Variants in SPTA1 observed in about 807,000 individuals in gnomAD.
The protein encoded by SPTA1 is spectrin alpha, erythrocytic 1, also known as spectrin alpha chain, erythrocytic 1.
In SPTA1, 177 loss-of-function variants were observed where a neutral mutation model predicts 324.7. That is an observed-to-expected ratio of 0.55 (90% confidence interval 0.48 to 0.62). The LOEUF (loss-of-function observed/expected upper bound fraction) is 0.62. Ranked by LOEUF, SPTA1 falls within the 20% of genes least tolerant of loss-of-function variation. The pLI is 0.00. For missense variants in SPTA1, 3,162 were observed against 2,883.6 expected, an observed-to-expected ratio of 1.10 and a Z score of -2.21; for synonymous variants, 1,195 against 1,041.3, an observed-to-expected ratio of 1.15 and a Z score of -2.84.
intron 33 of SPTA1, among the ~76,000 whole-genome samples, chr1:158,641,295 C>T (rs1651551346): frequency 6.6e-6 from 1 of 151,990 alleles, no homozygotes; most frequent in Admixed American, 6.5e-5. Context: ...CAACAAAAGC[C>T]AAAATTGACA....
At chr1:158,645,765 A>T (rs953322973) in intron 27 of SPTA1, among the ~76,000 whole-genome samples, 171 bp from the exon 28 acceptor site, 1 of 152,202 alleles carries the variant, frequency 6.6e-6, no homozygotes, top group Non-Finnish European at 1.5e-5. Context: ...TCACCTAATG[A>T]TAACAATCCC....
intron 5 of SPTA1, among the ~76,000 whole-genome samples, chr1:158,679,875 A>C (rs703125): frequency 2.0e-5 from 3 of 151,936 alleles, no homozygotes; most frequent in Non-Finnish European, 4.4e-5. Flanking sequence ...ATAGGAAAAC[A>C]TAGGTTATTT....
At position 158,642,267 on chromosome 1, in the gene SPTA1, A is replaced by G. The variant is rs1420158709; in HGVS notation, c.4737+144T>C. On this transcript the variant is annotated intron_variant, in intron 33 of 51. Coordinates refer to ENST00000643759, the MANE Select transcript of SPTA1 (RefSeq NM_003126.4). ...TGGCACATGTATACATATGTAACAA[A>G]CCTGCACATTGTGCACATGTACCCT... The G allele has an allele frequency of 8.4e-6, 7 of 833,722 alleles. No homozygotes were observed. The East Asian group carries it at 3.7e-4, about 44-fold the overall frequency. The allele number at this position is 833,722 out of a possible 1,614,324, so 51.6% of individuals were successfully genotyped here.
intron 43 of SPTA1, chr1:158,620,839 T>TAAA: frequency 5.2e-5 from 1 of 19,280 alleles, no homozygotes; most frequent in South Asian, 9.4e-4. Context: ...GTAGTAAACA[T>TAAA]GAAAAAAAAA....
At chr1:158,635,809 T>C (rs772997632) in intron 38 of SPTA1, 104 bp downstream of exon 38, 25 of 1,547,914 alleles carry the variant, frequency 1.6e-5, no homozygotes, top group South Asian at 5.6e-5. Context: ...AGATAGGTAG[T>C]TGGGGATAGC....
At chr1:158,636,186 G>A in intron 37 of SPTA1, 152 bp from the exon 38 acceptor site, 1 of 1,368,776 alleles carries the variant, frequency 7.3e-7, no homozygotes, top group Admixed American at 1.8e-5. Flanking sequence ...CAGGGAGAAT[G>A]ATGAAAGCTG....
In SPTA1 at chr1:158,647,697, T is replaced by C. The variant is rs1242477796; in HGVS notation, c.3738A>G (p.Ala1246=). 3.1e-6 allele frequency: 5 copies of C among 1,613,938 alleles called. No individual in the cohort carries two copies. The highest frequency in any genetic ancestry group is 4.2e-6 in the Non-Finnish European group (5 of 1,179,922). The change falls in exon 27 of 52, where the codon GCA becomes GCG. Residue 1246 remains alanine (A), a synonymous_variant. Transcript: ENST00000643759. Reference sequence around the variant, plus strand: ...CTGGATGGGACTCACTGAGCCGCTCTGCTGTCTCCCCCAGTATGGTCACCT... The same window carrying C: ...CTGGATGGGACTCACTGAGCCGCTCCGCTGTCTCCCCCAGTATGGTCACCT... The part of the protein sequence containing the change: ...GDKVTILGET[A]ERLSESHPDA...
intron 23 of SPTA1, among the ~76,000 whole-genome samples, chr1:158,651,677 T>C (rs1346990212): frequency 6.6e-6 from 1 of 152,160 alleles, no homozygotes; most frequent in Non-Finnish European, 1.5e-5. Context: ...AAGATAACTA[T>C]TATTTATCTG....
intron 3 of SPTA1, among the ~76,000 whole-genome samples, chr1:158,682,996 C>A (rs1403736211): frequency 6.6e-6 from 1 of 152,028 alleles, no homozygotes; most frequent in African/African-American, 2.4e-5. Context: ...AATGAGAGAG[C>A]ATTCCTTATT....
rs200699129 is a variant in SPTA1, at chr1:158,639,840, T to C, written c.4875+30A>G. ...GTCTGACAAGTATGTATTAAACTCT[T>C]GTGTCTCTACTGTTTCCGGGTGCAA... On this transcript the variant is annotated intron_variant, in intron 34 of 51. Coordinates refer to ENST00000643759, the MANE Select transcript of SPTA1 (RefSeq NM_003126.4). The C allele has an allele frequency of 5.4e-5, 87 of 1,613,880 alleles. No homozygotes were observed. The African/African-American group carries it at 1.0e-3, about 19-fold the overall frequency.
chr1:158,665,063 T>C (rs1210483219), intron 16 of SPTA1, among the ~76,000 whole-genome samples: 2 of 152,208 alleles, frequency 1.3e-5, no homozygotes, highest in Non-Finnish European at 2.9e-5. Context: ...TCTTTGCCTC[T>C]ACCCACATTA....
chr1:158,629,905 C>A (rs1319400433), intron 39 of SPTA1, among the ~76,000 whole-genome samples: 1 of 151,452 alleles, frequency 6.6e-6, no homozygotes, highest in Non-Finnish European at 1.5e-5. Context: ...ACAATCACAT[C>A]AAAAATAATA....
chr1:158,635,401 A>G (rs1436634854), intron 38 of SPTA1, among the ~76,000 whole-genome samples: 1 of 150,726 alleles, frequency 6.6e-6, no homozygotes, highest in South Asian at 2.1e-4. Context: ...CCTCCCAGTC[A>G]TGCTTCCTGT....
Position 158,649,845 on chromosome 1 carries a change from A to C in SPTA1, c.3569+11T>G, listed in dbSNP as rs1486036939. 1.9e-6 allele frequency: 3 copies of C among 1,608,866 alleles called. No individual in the cohort carries two copies. The highest frequency in any genetic ancestry group is 2.6e-6 in the Non-Finnish European group (3 of 1,175,716). On this transcript the variant is annotated intron_variant, in intron 25 of 51. Transcript: ENST00000643759. ...TAAAGCAGCACTGCTTTTTAGAGTT[A>C]TAATTATTACCTGTGAAACACTTCA...
At position 158,680,531 on chromosome 1, in the gene SPTA1, T is replaced by G. The variant is rs984574048; in HGVS notation, c.678+52A>C. The G allele has an allele frequency of 9.9e-5, 160 of 1,612,148 alleles. No homozygotes were observed. The Middle Eastern group carries it at 1.2e-3, about 12-fold the overall frequency. On this transcript the variant is annotated intron_variant, in intron 5 of 51. Coordinates refer to ENST00000643759, the MANE Select transcript of SPTA1 (RefSeq NM_003126.4). ...CCATCTACTAATGGCCAGAAGTTAT[T>G]CTTAAGGATAAGAACCCTTTGCACG...
intron 39 of SPTA1, among the ~76,000 whole-genome samples, chr1:158,633,423 G>A (rs1650820566): frequency 6.6e-6 from 1 of 152,060 alleles, no homozygotes; most frequent in South Asian, 2.1e-4. Flanking sequence ...CACTTTGGGA[G>A]GCTGAGGTGG....
At chr1:158,646,883 C>T (rs1238820484) in intron 27 of SPTA1, among the ~76,000 whole-genome samples, 1 of 152,110 alleles carries the variant, frequency 6.6e-6, no homozygotes, top group Non-Finnish European at 1.5e-5. Flanking sequence ...AACTGTTCCA[C>T]AAAGTATATG....
intron 2 of SPTA1, among the ~76,000 whole-genome samples, chr1:158,684,863 A>G (rs981957790): frequency 1.2e-4 from 19 of 152,084 alleles, no homozygotes; most frequent in Admixed American, 1.1e-3. Context: ...CAACTGAAAA[A>G]CTGCTGCTTT....
At chr1:158,649,515 G>A (rs937969222) in intron 25 of SPTA1, among the ~76,000 whole-genome samples, 15 of 152,138 alleles carry the variant, frequency 9.9e-5, no homozygotes, top group African/African-American at 2.4e-4. Context: ...TACAACTCTC[G>A]GCCTAAAGCA....
Sources: allele counts gnomAD v4.1 joint callset (sites outside exome capture counted in the v4.1 genomes callset), GRCh38; gene constraint gnomAD v4.1.1; transcripts MANE v1.5; gene names NCBI Gene and HGNC (gene_info 2026-07-23, HGNC 2026-07-21).